Variants in NCOR1 observed in about 807,000 individuals in gnomAD.
NCOR1 encodes the protein nuclear receptor corepressor 1, also known as protein phosphatase 1, regulatory subunit 109.
Under a neutral mutation model 288.1 loss-of-function variants are expected in NCOR1, and 63 were observed. The ratio of observed to expected loss-of-function variants is 0.22; its 90% CI spans 0.18 to 0.27. NCOR1 has a LOEUF of 0.27. Ranked by LOEUF, NCOR1 falls within the 10% of genes least tolerant of loss-of-function variation. The probability of loss-of-function intolerance (pLI) is 1.00; values close to 1 mark genes in which losing one functional copy is unlikely to be tolerated. For synonymous variants in NCOR1, 1,007 were observed against 1,065.9 expected, an observed-to-expected ratio of 0.94 and a Z score of 1.08; for missense variants, 2,397 against 3,019.2, an observed-to-expected ratio of 0.79 and a Z score of 4.83.
intron 18 of NCOR1, among the ~76,000 whole-genome samples, chr17:16,115,576 A>G (rs548864636): frequency 6.6e-6 from 1 of 152,240 alleles, no homozygotes; most frequent in South Asian, 2.1e-4. Context: ...AACCTAAATT[A>G]TCTCTCTCAA....
rs368979500 is a variant in NCOR1 at position 16,091,276 on chromosome 17, T to C, written c.3016+587A>G. On this transcript the variant is annotated intron_variant, in intron 22 of 45. Transcript: ENST00000268712. ...CATAAAATAATGCAGAGCCACCTGT[T>C]ATATAACAATACCGAATGCTCCTTC... is the stretch of plus-strand genomic sequence containing the variant. Among the ~76,000 whole-genome samples the C allele has an allele frequency of 1.7e-4, 26 of 152,384 alleles. No individual in the cohort carries two copies. In the East Asian group the frequency reaches 3.5e-3, roughly 20 times the overall value.
At chr17:16,185,356 T>C (rs2086422216) in intron 3 of NCOR1, among the ~76,000 whole-genome samples, 1 of 151,988 alleles carries the variant, frequency 6.6e-6, no homozygotes, top group Non-Finnish European at 1.5e-5. Context: ...TCCCATAACA[T>C]CATGTTGTAT....
chr17:16,097,321 C>G (rs1241199371), intron 21 of NCOR1, among the ~76,000 whole-genome samples: 1 of 152,186 alleles, frequency 6.6e-6, no homozygotes, highest in Non-Finnish European at 1.5e-5. Flanking sequence ...ATCCTCTTGC[C>G]TCAGCCTCCC....
chr17:16,194,930 T>C (rs1489262333), intron 1 of NCOR1, among the ~76,000 whole-genome samples: 1 of 152,228 alleles, frequency 6.6e-6, no homozygotes, highest in Non-Finnish European at 1.5e-5. Context: ...TAAATATCTT[T>C]CTATAAATGT....
At chr17:16,162,627 A>G (rs2081092852) in intron 5 of NCOR1, among the ~76,000 whole-genome samples, 1 of 152,174 alleles carries the variant, frequency 6.6e-6, no homozygotes, top group Non-Finnish European at 1.5e-5. Flanking sequence ...AAGACAATGT[A>G]CTAAGAAAAA....
Position 16,140,650 on chromosome 17 carries a change from C to G in NCOR1, c.1174-1464G>C, listed in dbSNP as rs59013026. Among the ~76,000 whole-genome samples the G allele has an allele frequency of 5.4e-3, 826 of 152,224 alleles. 8 individuals carry two copies. The highest frequency in any genetic ancestry group is 0.019 in the African/African-American group (778 of 41,542). Reference sequence around the variant, plus strand: ...CCAACATGGCAAAACCCTGTTTCTACTAAATATACAAAAATTAGCTGGGTG... The same window carrying G: ...CCAACATGGCAAAACCCTGTTTCTAGTAAATATACAAAAATTAGCTGGGTG... On this transcript the variant is annotated intron_variant, in intron 11 of 45. Coordinates refer to ENST00000268712, the MANE Select transcript of NCOR1 (RefSeq NM_006311.4).
Position 16,165,170 on chromosome 17 carries a change from A to C in NCOR1, c.436-9T>G. The C allele has an allele frequency of 6.4e-7, 1 of 1,574,736 alleles. No individual in the cohort carries two copies. The highest frequency in any genetic ancestry group is 8.5e-7 in the Non-Finnish European group (1 of 1,169,936). On this transcript the variant is annotated splice_polypyrimidine_tract_variant and intron_variant, in intron 4 of 45. Coordinates refer to ENST00000268712, the MANE Select transcript of NCOR1 (RefSeq NM_006311.4). ...CCTCCGAATGCTGGATCCTTTAGAG[A>C]ATAAAACCAAGAAAAACAATTTATT...
chr17:16,055,345 T>C (rs2059794807), intron 40 of NCOR1, among the ~76,000 whole-genome samples: 1 of 152,182 alleles, frequency 6.6e-6, no homozygotes, highest in Admixed American at 6.5e-5. Context: ...TATGGAGCCA[T>C]GAAAAAGAAT....
chr17:16,069,659 T>C (rs2061523114), intron 31 of NCOR1, among the ~76,000 whole-genome samples: 1 of 152,210 alleles, frequency 6.6e-6, no homozygotes, highest in Non-Finnish European at 1.5e-5. Flanking sequence ...GTTCTTTACA[T>C]GTACTACCTT....
chr17:16,108,301 G>T, intron 19 of NCOR1: 1 of 294,724 alleles, frequency 3.4e-6, no homozygotes, highest in Non-Finnish European at 6.9e-6. Context: ...CTTGTCATTA[G>T]TTTAAATGAC....
intron 1 of NCOR1, chr17:16,198,436 T>C (rs2090246039): frequency 6.7e-6 from 1 of 150,074 alleles, no homozygotes; most frequent in African/African-American, 2.5e-5. Context: ...ACAGTATTTC[T>C]CTATATGGGC....
At chr17:16,041,872 G>C (rs1211027500) in intron 42 of NCOR1, among the ~76,000 whole-genome samples, 1 of 151,784 alleles carries the variant, frequency 6.6e-6, no homozygotes, top group Non-Finnish European at 1.5e-5. Flanking sequence ...GAGTGGCTGG[G>C]ACTACAGGCG....
Position 16,086,453 on chromosome 17 carries a change from G to A in NCOR1, c.3017-11C>T, listed in dbSNP as rs1215869363. 7 of 1,600,698 alleles carry A rather than the reference G, an allele frequency of 4.4e-6. No individual in the cohort carries two copies. Among genetic ancestry groups the A allele is most frequent in the Non-Finnish European group, 5.1e-6 (6 of 1,171,210 alleles). On this transcript the variant is annotated splice_polypyrimidine_tract_variant and intron_variant, in intron 22 of 45. Coordinates refer to ENST00000268712, the MANE Select transcript of NCOR1 (RefSeq NM_006311.4). ...GAGCAGGCTGAAGGACTTTTAAAAG[G>A]AAAGAAAAATGATTTTAAACTAGTC...
intron 9 of NCOR1, among the ~76,000 whole-genome samples, chr17:16,147,442 T>C (rs1417604881): frequency 6.6e-6 from 1 of 152,032 alleles, no homozygotes; most frequent in Non-Finnish European, 1.5e-5. Flanking sequence ...CTACGTGAAA[T>C]TGAGAATTAA....
chr17:16,133,887 G>A (rs190966894), intron 14 of NCOR1, among the ~76,000 whole-genome samples: 22 of 152,220 alleles, frequency 1.4e-4, no homozygotes, highest in South Asian at 6.2e-4. Flanking sequence ...GCAAAATCTC[G>A]TGGTTTTACC....
chr17:16,140,812 T>TCAAACAAA (rs149513450), intron 11 of NCOR1, among the ~76,000 whole-genome samples: 22 of 150,120 alleles, frequency 1.5e-4, no homozygotes, highest in African/African-American at 3.4e-4. Context: ...AGACGCCATC[T>TCAAACAAA]CAAACAAACA....
chr17:16,097,049 T>C (rs1309582163), intron 21 of NCOR1, among the ~76,000 whole-genome samples: 1 of 152,240 alleles, frequency 6.6e-6, no homozygotes, highest in African/African-American at 2.4e-5. Flanking sequence ...ATGATTTCAT[T>C]TATATGACAT....
chr17:16,057,563 G>A lies in NCOR1; in HGVS notation c.6343C>T (p.Pro2115Ser), dbSNP rs1346427537. 6.2e-7 allele frequency: 1 copy of A among 1,614,116 alleles called. No homozygotes were observed. Among genetic ancestry groups the A allele is most frequent in the Non-Finnish European group, 8.5e-7 (1 of 1,180,030 alleles). The change falls in exon 40 of 46, where the codon CCA becomes TCA. Residue 2115 changes from proline to serine, a missense_variant. This residue lies in a region of NCOR1 where 1,872 missense variants were observed against 2,187.8 expected (regional missense o/e 0.86). Transcript: ENST00000268712. ...TTTTCTGGAGAGACCCTTGAACCTG[G>A]TCTTTGATGATGGACAGACTGAGCC... ...SQAQSVHHQR[P>S]GSRVSPENLV...
At chr17:16,195,768 T>C (rs1025157433) in intron 1 of NCOR1, among the ~76,000 whole-genome samples, 4 of 152,154 alleles carry the variant, frequency 2.6e-5, no homozygotes, top group East Asian at 1.9e-4. Context: ...TGAGAACACA[T>C]AAATACTGAA....
Sources: allele counts gnomAD v4.1 joint callset (sites outside exome capture counted in the v4.1 genomes callset), GRCh38; gene constraint gnomAD v4.1.1; regional missense constraint gnomAD v4.1.1; transcripts MANE v1.5; gene names NCBI Gene and HGNC (gene_info 2026-07-23, HGNC 2026-07-21).